DGKI: variants seen among roughly 807,000 people sequenced by gnomAD.
DGKI encodes DAG kinase iota.
DGKI carries 55 observed loss-of-function variants against 147.5 expected under a neutral mutation model. The observed-to-expected ratio is 0.37, with a 90% CI of 0.30 to 0.47. DGKI has a LOEUF of 0.47. Among genes scored for constraint, DGKI ranks in the 20% least tolerant of loss-of-function variants. DGKI has a pLI of 1.00. For synonymous variants in DGKI, 469 were observed against 477.1 expected (o/e 0.98, Z 0.22); for missense variants, 1,007 against 1,323.8 (o/e 0.76, Z 3.71).
At chr7:137,426,652 C>A (rs1022188366) in intron 28 of DGKI, among the ~76,000 whole-genome samples, 1 of 151,848 alleles carries the variant, frequency 6.6e-6, no homozygotes, top group South Asian at 2.1e-4. Flanking sequence ...ATTCAGGAAA[C>A]CCATCTCATG....
At chr7:137,510,106 G>T (rs1816529840) in intron 21 of DGKI, among the ~76,000 whole-genome samples, 2 of 152,200 alleles carry the variant, frequency 1.3e-5, no homozygotes, top group African/African-American at 4.8e-5. Context: ...CCAGGAGCAA[G>T]TATGGGCAGA....
intron 13 of DGKI, among the ~76,000 whole-genome samples, chr7:137,586,607 T>C (rs1038665019): frequency 1.3e-5 from 2 of 152,056 alleles, no homozygotes; most frequent in Admixed American, 6.5e-5. Context: ...GTTGGCTTCA[T>C]TGTGGAAAGG....
At chr7:137,770,395 A>G (rs552525218) in intron 1 of DGKI, among the ~76,000 whole-genome samples, 1 of 152,302 alleles carries the variant, frequency 6.6e-6, no homozygotes, top group Non-Finnish European at 1.5e-5. Context: ...TGACGGGTTG[A>G]TAGGTGCAGC....
chr7:137,576,900 T>A (rs1208691667), intron 17 of DGKI, among the ~76,000 whole-genome samples: 1 of 152,230 alleles, frequency 6.6e-6, no homozygotes, highest in Non-Finnish European at 1.5e-5. Context: ...TAGTCAGAGT[T>A]ATCACTTCTC....
chr7:137,441,236 C>T (rs113032875), intron 28 of DGKI, among the ~76,000 whole-genome samples: 12,053 of 151,508 alleles, frequency 0.08, 1,322 homozygotes, highest in African/African-American at 0.25. Context: ...CTGGCTAACA[C>T]GGTGAAACCC....
At position 137,504,504 on chromosome 7, in the gene DGKI, C is replaced by T. The variant is rs373753551; in HGVS notation, c.2249-16815G>A. 4.6e-5 allele frequency among the ~76,000 whole-genome samples: 7 copies of T among 152,038 alleles called. No homozygotes were observed. In the South Asian group the frequency reaches 8.3e-4, roughly 18 times the overall value. ...AAAGGTTATCACCTTCTGAAAAGAA[C>T]AATAAATATAATCACAGAATTAAAA... On this transcript the variant is annotated intron_variant, in intron 21 of 32. Transcript: ENST00000614521.
chr7:137,811,771 C>G (rs1334779748), intron 1 of DGKI, among the ~76,000 whole-genome samples: 1 of 152,298 alleles, frequency 6.6e-6, no homozygotes, highest in East Asian at 1.9e-4. Flanking sequence ...AATTGCCCAT[C>G]CTTTATCATC....
chr7:137,512,458 C>A (rs974305352), intron 21 of DGKI, among the ~76,000 whole-genome samples: 1 of 152,156 alleles, frequency 6.6e-6, no homozygotes, highest in Non-Finnish European at 1.5e-5. Context: ...AGAAGAAAGT[C>A]TTCAAAGGGA....
In DGKI at chr7:137,463,534, T is replaced by C. The variant is rs145979034; in HGVS notation, c.2690A>G (p.Tyr897Cys). 6.2e-7 allele frequency: 1 copy of C among 1,614,042 alleles called. No homozygotes were observed. The highest frequency in any genetic ancestry group is 1.3e-5 in the African/African-American group (1 of 74,920). ...DSGLGMIAPYYEDSDLKDLSH... is the reference protein window; with the variant it reads ...DSGLGMIAPYCEDSDLKDLSH... ...GAGATCTTTCAGATCTGAGTCCTCA[T>C]AATAGGGAGCTATCATCCCCAGCCC... is the stretch of plus-strand genomic sequence containing the variant. Residue 897 changes from tyrosine to cysteine, a missense_variant, in exon 27 of 33, where the codon TAT becomes TGT. Physicochemically the swap from Tyr to Cys is radical, Grantham distance 194 (BLOSUM62 -2). Around this residue, in one of 5 missense-constraint regions of DGKI, gnomAD observed 385 missense variants for 445.2 expected, o/e 0.86. Transcript: ENST00000614521.
chr7:137,822,086 T>C (rs980591269), intron 1 of DGKI, among the ~76,000 whole-genome samples: 1 of 152,066 alleles, frequency 6.6e-6, no homozygotes. Context: ...AGAGAGCAAA[T>C]GAAAGCCTAT....
chr7:137,669,254 A>G (rs1421146850), intron 3 of DGKI, among the ~76,000 whole-genome samples: 4 of 152,164 alleles, frequency 2.6e-5, no homozygotes, highest in Admixed American at 6.5e-5. Flanking sequence ...CACCTCATCA[A>G]TGTGGCAGGG....
At position 137,651,858 on chromosome 7, in the gene DGKI, T is replaced by C. The variant is rs529149764; in HGVS notation, c.738+2874A>G. On this transcript the variant is annotated intron_variant, in intron 5 of 32. Transcript: ENST00000614521. ...GGAATATGTAGTATCTTGAATATTT[T>C]TGAGAGACTGGATAAGGAAAGAACA... is the stretch of plus-strand genomic sequence containing the variant. Among the ~76,000 whole-genome samples, 3 of 152,298 alleles carry C rather than the reference T, an allele frequency of 2.0e-5. No individual in the cohort carries two copies. The South Asian group carries it at 6.2e-4, about 32-fold the overall frequency.
At chr7:137,543,699 C>T (rs768152791) in intron 20 of DGKI, among the ~76,000 whole-genome samples, 23 of 152,222 alleles carry the variant, frequency 1.5e-4, no homozygotes, top group Middle Eastern at 3.4e-3. Context: ...TTCCCCTCCC[C>T]GCCAAAAATA....
intron 6 of DGKI, among the ~76,000 whole-genome samples, chr7:137,628,172 T>C (rs1033502142): frequency 1.3e-5 from 2 of 152,172 alleles, no homozygotes; most frequent in African/African-American, 4.8e-5. Flanking sequence ...CCCACCTCGC[T>C]ACTAAGTATT....
intron 1 of DGKI, among the ~76,000 whole-genome samples, chr7:137,742,090 A>G (rs940197331): frequency 6.6e-6 from 1 of 152,228 alleles, no homozygotes; most frequent in African/African-American, 2.4e-5. Flanking sequence ...ACGATCTCCC[A>G]TAAACAGTTC....
At chr7:137,667,470 CCAAA>C (rs1822679305) in intron 3 of DGKI, among the ~76,000 whole-genome samples, 1 of 152,012 alleles carries the variant, frequency 6.6e-6, no homozygotes, top group African/African-American at 2.4e-5. Context: ...CTAGGAAATC[CCAAA>C]CACTTTGCCT....
intron 1 of DGKI, among the ~76,000 whole-genome samples, chr7:137,788,198 A>G (rs1297631525): frequency 6.6e-6 from 1 of 152,110 alleles, no homozygotes; most frequent in African/African-American, 2.4e-5. Flanking sequence ...GCCTTCTCTG[A>G]TCATATCCAG....
At chr7:137,449,336 T>C (rs931758056) in intron 27 of DGKI, among the ~76,000 whole-genome samples, 2 of 152,128 alleles carry the variant, frequency 1.3e-5, no homozygotes, top group African/African-American at 4.8e-5. Context: ...TAAATCTACA[T>C]GTTTATAGCC....
chr7:137,399,712 C>T (rs1811679411), intron 30 of DGKI, among the ~76,000 whole-genome samples: 1 of 152,112 alleles, frequency 6.6e-6, no homozygotes, highest in Non-Finnish European at 1.5e-5. Context: ...GAATTCGAGA[C>T]CAGCCTGACC....
Sources: gnomAD v4.1 joint callset for allele counts (sites outside exome capture counted in the v4.1 genomes callset) on GRCh38, gnomAD v4.1.1 for gene constraint, gnomAD v4.1.1 regional missense constraint, MANE v1.5 for transcripts, NCBI Gene and HGNC (gene_info 2026-07-23, HGNC 2026-07-21) for gene names.